Variants in CASP6 observed in about 807,000 individuals in gnomAD.
The protein encoded by CASP6 is caspase-6.
A neutral mutation model predicts 31.8 loss-of-function variants in CASP6; 20 were observed. The observed-to-expected ratio is 0.63, with a 90% CI of 0.44 to 0.91. CASP6 has a LOEUF of 0.91. Ranked by LOEUF, CASP6 falls within the 40% of genes least tolerant of loss-of-function variation. The pLI is 0.00. For synonymous variants in CASP6, 130 were observed against 127.8 expected, an observed-to-expected ratio of 1.02 and a Z score of -0.12; for missense variants, 328 against 361.1, an observed-to-expected ratio of 0.91 and a Z score of 0.74.
intron 1 of CASP6, among the ~76,000 whole-genome samples, 169 bp downstream of exon 1, chr4:109,703,187 G>C (rs1425965617): frequency 6.6e-6 from 1 of 152,098 alleles, no homozygotes; most frequent in Non-Finnish European, 1.5e-5. Context: ...GTCCCCACCC[G>C]CCCTGAGCGC....
the CASP6 span, among the ~76,000 whole-genome samples, chr4:109,679,444 G>C: frequency 6.6e-6 from 1 of 152,188 alleles, no homozygotes; most frequent in Non-Finnish European, 1.5e-5. Context: ...CCAGGAGCTG[G>C]AGACCAGCCC....
chr4:109,694,431 G>A, intron 5 of CASP6, 94 bp downstream of exon 5: 1 of 1,182,148 alleles, frequency 8.5e-7, no homozygotes, highest in East Asian at 2.7e-5. Context: ...TCCAATTACT[G>A]GAGAAAGTTA....
the CASP6 span, among the ~76,000 whole-genome samples, chr4:109,666,344 G>C: frequency 1.6e-4 from 25 of 152,202 alleles, no homozygotes; most frequent in African/African-American, 6.0e-4. Flanking sequence ...CACATATGGT[G>C]AGAGTGTTTA....
At chr4:109,700,951 T>C (rs1730404370) in intron 1 of CASP6, among the ~76,000 whole-genome samples, 1 of 152,180 alleles carries the variant, frequency 6.6e-6, no homozygotes, top group Non-Finnish European at 1.5e-5. Context: ...GCCGCATTAA[T>C]ATTTATTTTT....
chr4:109,687,462 T>C (rs1729873426), downstream of CASP6: 1 of 1,220,114 alleles, frequency 8.2e-7, no homozygotes, highest in East Asian at 2.3e-5. Flanking sequence ...AGCAGTAATG[T>C]TGGTATGTTT....
upstream of CASP6, among the ~76,000 whole-genome samples, chr4:109,706,131 T>TTTATATATATATA (rs1730607258): frequency 5.5e-5 from 2 of 36,110 alleles, no homozygotes; most frequent in Non-Finnish European, 9.8e-5. Context: ...CCTATCCATT[T>TTTATATATATATA]TATATATATA....
chr4:109,687,246 C>G (rs979219797), downstream of CASP6, among the ~76,000 whole-genome samples: 2 of 151,878 alleles, frequency 1.3e-5, no homozygotes, highest in African/African-American at 4.8e-5. Flanking sequence ...GTGGTCCTAG[C>G]TACTTGGGAG....
At chr4:109,705,073 T>A (rs1464301972), upstream of CASP6, among the ~76,000 whole-genome samples, 1 of 152,220 alleles carries the variant, frequency 6.6e-6, no homozygotes, top group Non-Finnish European at 1.5e-5. Context: ...AAGACTTTCA[T>A]AGCTAGAGAG....
At chr4:109,674,401 A>C in the CASP6 span, among the ~76,000 whole-genome samples, 7 of 152,232 alleles carry the variant, frequency 4.6e-5, no homozygotes, top group African/African-American at 1.7e-4. Flanking sequence ...TTAAATTTTT[A>C]AGATGAACTT....
the CASP6 span, among the ~76,000 whole-genome samples, chr4:109,667,113 G>T: frequency 6.6e-6 from 1 of 152,066 alleles, no homozygotes; most frequent in Non-Finnish European, 1.5e-5. Flanking sequence ...GAATGAGTTA[G>T]GAAGTATTCC....
the CASP6 span, among the ~76,000 whole-genome samples, chr4:109,678,500 A>G: frequency 7.7e-3 from 970 of 125,668 alleles, 18 homozygotes; most frequent in South Asian, 0.066. Flanking sequence ...GGCGCTCCCC[A>G]TTTCCCAGAT....
chr4:109,672,898 C>G, the CASP6 span, among the ~76,000 whole-genome samples: 10 of 152,258 alleles, frequency 6.6e-5, no homozygotes, highest in East Asian at 1.9e-3. Context: ...GACCTTGTAC[C>G]TATCATGTCC....
chr4:109,665,657 T>C, the CASP6 span, among the ~76,000 whole-genome samples: 2 of 152,312 alleles, frequency 1.3e-5, no homozygotes, highest in South Asian at 4.2e-4. Flanking sequence ...ATATTGTTTT[T>C]TCATTCATTT....
chr4:109,684,585 C>T, downstream of CASP6: 1 of 1,603,338 alleles, frequency 6.2e-7, no homozygotes. Flanking sequence ...GAGCCAGTTA[C>T]ATACTTCATC....
the CASP6 span, among the ~76,000 whole-genome samples, chr4:109,678,348 A>C: frequency 6.6e-6 from 1 of 151,800 alleles, no homozygotes; most frequent in African/African-American, 2.4e-5. Context: ...GCTGTTGGGT[A>C]CACCTCCCAG....
At chr4:109,685,039 C>T (rs182633644), downstream of CASP6, 30 of 415,662 alleles carry the variant, frequency 7.2e-5, no homozygotes, top group Non-Finnish European at 8.5e-5. Flanking sequence ...AATTTCTCTT[C>T]CCAGCTTGCC....
At chr4:109,684,821 A>C (rs540871360), downstream of CASP6, 597 of 526,518 alleles carry the variant, frequency 1.1e-3, 1 homozygote, top group Non-Finnish European at 1.6e-3. Flanking sequence ...AACACAGAGA[A>C]ATTATATATA....
downstream of CASP6, among the ~76,000 whole-genome samples, chr4:109,684,065 CT>C (rs71595507): frequency 2.7e-3 from 383 of 139,886 alleles, no homozygotes; most frequent in Middle Eastern, 3.7e-3. Flanking sequence ...TTCCTCTTTT[CT>C]TTTTTTTTTT....
chr4:109,695,966 G>A (rs374013461), intron 4 of CASP6, among the ~76,000 whole-genome samples: 1 of 152,186 alleles, frequency 6.6e-6, no homozygotes, highest in African/African-American at 2.4e-5. Flanking sequence ...TATAATATAG[G>A]TTGTTATAAT....
Sources: gnomAD v4.1 joint callset for allele counts (sites outside exome capture counted in the v4.1 genomes callset) on GRCh38, gnomAD v4.1.1 for gene constraint, MANE v1.5 for transcripts, NCBI Gene and HGNC (gene_info 2026-07-23, HGNC 2026-07-21) for gene names.